The following APOLD1 variants were observed in gnomAD, a reference collection of about 807,000 sequenced individuals.
APOLD1 encodes apolipoprotein L domain containing 1.
APOLD1 carries 22 observed loss-of-function variants against 15.3 expected under a neutral mutation model. The ratio of observed to expected loss-of-function variants is 1.44; its 90% CI spans 1.03 to 2.05. The LOEUF is 2.05. APOLD1 is among the 30% of genes most tolerant of loss of function. APOLD1 has a pLI of 0.00. For synonymous variants in APOLD1, 190 were observed against 167.4 expected, an observed-to-expected ratio of 1.13 and a Z score of -1.04; for missense variants, 394 against 353.5, an observed-to-expected ratio of 1.11 and a Z score of -0.92.
chr12:12,765,050 C>T (rs1271701030), intron 1 of APOLD1, among the ~76,000 whole-genome samples: 1 of 152,026 alleles, frequency 6.6e-6, no homozygotes, highest in African/African-American at 2.4e-5. Context: ...GAGAAGGAGC[C>T]TGAGAGACTG....
intron 1 of APOLD1, among the ~76,000 whole-genome samples, chr12:12,758,186 T>C (rs1252153548): frequency 6.6e-6 from 1 of 151,038 alleles, no homozygotes; most frequent in Admixed American, 6.6e-5. Context: ...TCTGCCCACC[T>C]TGGCCTCCCA....
chr12:12,762,707 AG>A (rs1416175786), intron 1 of APOLD1, among the ~76,000 whole-genome samples: 1 of 152,100 alleles, frequency 6.6e-6, no homozygotes, highest in African/African-American at 2.4e-5. Context: ...AGACCTCTGC[AG>A]TGACCTTTGA....
chr12:12,744,177 T>C (rs1014583221), intron 1 of APOLD1, among the ~76,000 whole-genome samples: 2 of 151,128 alleles, frequency 1.3e-5, no homozygotes, highest in African/African-American at 4.9e-5. Flanking sequence ...CAAGGAACGG[T>C]GTGCACCTGT....
chr12:12,731,499 A>G (rs1946641615), intron 1 of APOLD1, among the ~76,000 whole-genome samples: 2 of 152,234 alleles, frequency 1.3e-5, no homozygotes, highest in South Asian at 2.1e-4. Context: ...TACATATGCA[A>G]TGACAAATTG....
intron 1 of APOLD1, among the ~76,000 whole-genome samples, chr12:12,770,668 A>G (rs755032752): frequency 6.6e-6 from 1 of 151,842 alleles, no homozygotes; most frequent in Non-Finnish European, 1.5e-5. Flanking sequence ...GAGAAGAAAG[A>G]GAATACAGAA....
intron 1 of APOLD1, among the ~76,000 whole-genome samples, chr12:12,778,465 G>A (rs989513578): frequency 6.6e-6 from 1 of 151,054 alleles, no homozygotes; most frequent in Non-Finnish European, 1.5e-5. Flanking sequence ...AACTACAGGT[G>A]CACACCTCCT....
intron 1 of APOLD1, among the ~76,000 whole-genome samples, chr12:12,727,118 A>T (rs1221245371): frequency 6.6e-6 from 1 of 152,202 alleles, no homozygotes; most frequent in African/African-American, 2.4e-5. Flanking sequence ...CTGGATTTCC[A>T]CTAAATTAAG....
chr12:12,766,322 A>G (rs1250083657), intron 1 of APOLD1, among the ~76,000 whole-genome samples: 1 of 142,818 alleles, frequency 7.0e-6, no homozygotes, highest in African/African-American at 2.9e-5. Flanking sequence ...GGGCAGGATC[A>G]TGTAATATAG....
At chr12:12,759,683 C>T (rs1046856535) in intron 1 of APOLD1, among the ~76,000 whole-genome samples, 14 of 152,316 alleles carry the variant, frequency 9.2e-5, no homozygotes, top group South Asian at 4.1e-4. Context: ...GGACTGACCC[C>T]GTCTGCAGCT....
chr12:12,763,825 T>G (rs1479523126), intron 1 of APOLD1, among the ~76,000 whole-genome samples: 2 of 152,220 alleles, frequency 1.3e-5, no homozygotes, highest in Non-Finnish European at 2.9e-5. Context: ...TATAAATGGT[T>G]GTTATACTAT....
Position 12,746,640 on chromosome 12 carries a change from AT to A in APOLD1, c.96+20552del, listed in dbSNP as rs929770349. Among the ~76,000 whole-genome samples the A allele has an allele frequency of 2.3e-3, 351 of 152,136 alleles. 1 individual carries two copies. The Middle Eastern group carries it at 0.024, about 10-fold the overall frequency. ...GGAAAACATGGGAAAACATGCTCTA[AT>A]TTTTTTTAAATTTCATATTCAGGGA... On this transcript the variant is annotated intron_variant, in intron 1 of 1. Transcript: ENST00000326765.
chr12:12,759,133 A>G (rs1351322539), intron 1 of APOLD1, among the ~76,000 whole-genome samples: 1 of 152,220 alleles, frequency 6.6e-6, no homozygotes, highest in Non-Finnish European at 1.5e-5. Context: ...ATGGCATGCA[A>G]TTTAAAACTT....
At chr12:12,771,524 T>C in intron 1 of APOLD1, 4 of 514,084 alleles carry the variant, frequency 7.8e-6, no homozygotes, top group Non-Finnish European at 1.5e-5. Flanking sequence ...TTATCTCATT[T>C]TGTCCATCCA....
At chr12:12,733,024 T>C (rs776138302) in intron 1 of APOLD1, among the ~76,000 whole-genome samples, 1 of 151,984 alleles carries the variant, frequency 6.6e-6, no homozygotes, top group African/African-American at 2.4e-5. Flanking sequence ...TTAACAGTTA[T>C]ATATCTTGGC....
chr12:12,751,501 C>T (rs1946812056), intron 1 of APOLD1, among the ~76,000 whole-genome samples: 1 of 152,164 alleles, frequency 6.6e-6, no homozygotes, highest in Non-Finnish European at 1.5e-5. Context: ...CAGGGGCGTT[C>T]AACCATGCCC....
At position 12,744,233 on chromosome 12, in the gene APOLD1, T is replaced by C. The variant is rs147172584; in HGVS notation, c.96+18137T>C. Among the ~76,000 whole-genome samples, 34 of 149,634 alleles carry C rather than the reference T, an allele frequency of 2.3e-4. No individual in the cohort carries two copies. The East Asian group carries it at 6.1e-3, about 27-fold the overall frequency. ...CTGAGGCAGGAGGATCACTTGAGCCTAGGAGATCAAGGCTGCAGTGAGCTA... is the reference window on the plus strand; with the variant it reads ...CTGAGGCAGGAGGATCACTTGAGCCCAGGAGATCAAGGCTGCAGTGAGCTA... On this transcript the variant is annotated intron_variant, in intron 1 of 1. Transcript: ENST00000326765.
Position 12,787,032 on chromosome 12 carries a change from C to T in APOLD1, c.127C>T (p.Arg43Trp), listed in dbSNP as rs769219750. The change falls in exon 2 of 2, where the codon CGG becomes TGG. Residue 43 changes from arginine (R) to tryptophan (W), a missense_variant. Arg to Trp is a moderately radical substitution (Grantham distance 101). Coordinates refer to ENST00000356591, the MANE Select transcript of APOLD1 (RefSeq NM_030817.3). The surrounding 1 kb of genome is among the most constrained non-coding windows in gnomAD (Gnocchi z 4.9). ...GGTGCTGCGCCTGCGCGAGGTGGCCCGGCGCCTGGAGCGCCTGCGCAGGCG... is the reference window on the plus strand; with the variant it reads ...GGTGCTGCGCCTGCGCGAGGTGGCCTGGCGCCTGGAGCGCCTGCGCAGGCG... Reference protein sequence around the residue: ...GQVLRLREVARRLERLRRRSL... With the variant: ...GQVLRLREVAWRLERLRRRSL... 2.3e-5 allele frequency: 31 copies of T among 1,377,356 alleles called. No individual in the cohort carries two copies. The highest frequency in any genetic ancestry group is 2.9e-5 in the Non-Finnish European group (31 of 1,076,438). The allele number at this position is 1,377,356 out of a possible 1,614,324, so 85.3% of individuals were successfully genotyped here.
At chr12:12,746,911 G>A (rs985095171) in intron 1 of APOLD1, among the ~76,000 whole-genome samples, 7 of 152,032 alleles carry the variant, frequency 4.6e-5, no homozygotes, top group Non-Finnish European at 5.9e-5. Context: ...TTCTGTTCCT[G>A]CGTTAATTTG....
rs779878286 is a variant in APOLD1, at chr12:12,791,213, G to C, written c.*3561G>C. 1 of 152,158 alleles carries C rather than the reference G, an allele frequency of 6.6e-6. No homozygotes were observed. The highest frequency in any genetic ancestry group is 1.5e-5 in the Non-Finnish European group (1 of 68,028). 9.4% of individuals were successfully genotyped at this position (152,158 alleles called of 1,614,324 possible). Reference sequence around the variant, plus strand: ...CATTTCCAATATGGTAGGTGTCAAAGTCAAAAGTATTTACTGGGAGAAAAA... The same window carrying C: ...CATTTCCAATATGGTAGGTGTCAAACTCAAAAGTATTTACTGGGAGAAAAA... On this transcript the variant is annotated 3_prime_UTR_variant, in exon 2 of 2. Coordinates refer to ENST00000356591, the MANE Select transcript of APOLD1 (RefSeq NM_030817.3).
Sources: allele counts gnomAD v4.1 joint callset (sites outside exome capture counted in the v4.1 genomes callset), GRCh38; gene constraint gnomAD v4.1.1; non-coding constraint Gnocchi (gnomAD v3.1); transcripts MANE v1.5; gene names NCBI Gene and HGNC (gene_info 2026-07-23, HGNC 2026-07-21).